LRMDA: variants seen among roughly 807,000 people sequenced by gnomAD.
LRMDA encodes the protein leucine-rich melanocyte differentiation-associated protein.
Under a neutral mutation model 29.8 loss-of-function variants are expected in LRMDA, and 18 were observed. The ratio of observed to expected loss-of-function variants is 0.60; its 90% CI spans 0.42 to 0.90. LRMDA has a LOEUF of 0.90. Ranked by LOEUF, LRMDA falls within the 40% of genes least tolerant of loss-of-function variation. The probability of loss-of-function intolerance (pLI) is 0.00; values close to 1 mark genes in which losing one functional copy is unlikely to be tolerated. For missense variants in LRMDA, 273 were observed against 273.9 expected (o/e 1.00, Z 0.02); for synonymous variants, 125 against 109.4 (o/e 1.14, Z -0.89).
At chr10:75,946,986 G>T (rs999925817) in intron 2 of LRMDA, among the ~76,000 whole-genome samples, 5 of 152,190 alleles carry the variant, frequency 3.3e-5, no homozygotes, top group Non-Finnish European at 7.3e-5. Flanking sequence ...GCCTGTAGCT[G>T]GTTAGGGGCA....
At chr10:75,972,942 TC>T (rs1564620244) in intron 2 of LRMDA, among the ~76,000 whole-genome samples, 1 of 152,146 alleles carries the variant, frequency 6.6e-6, no homozygotes, top group Admixed American at 6.5e-5. Flanking sequence ...TGTGTTGAGT[TC>T]CTCTACCCTG....
intron 2 of LRMDA, among the ~76,000 whole-genome samples, chr10:75,628,505 A>G (rs1841280446): frequency 6.6e-6 from 1 of 152,240 alleles, no homozygotes; most frequent in Admixed American, 6.5e-5. Context: ...GATTGCACTG[A>G]GGATCAAATG....
chr10:76,259,828 T>A (rs929184731), intron 5 of LRMDA, among the ~76,000 whole-genome samples: 9 of 152,176 alleles, frequency 5.9e-5, no homozygotes, highest in Admixed American at 5.9e-4. Flanking sequence ...TATCATATAA[T>A]ATCCTTCTTT....
chr10:75,564,987 G>T (rs146523275), intron 2 of LRMDA, among the ~76,000 whole-genome samples: 1 of 152,202 alleles, frequency 6.6e-6, no homozygotes, highest in African/African-American at 2.4e-5. Context: ...GGATCATGTG[G>T]TCTTTTTATT....
intron 6 of LRMDA, among the ~76,000 whole-genome samples, chr10:76,510,961 C>T (rs1185578256): frequency 6.6e-6 from 1 of 152,112 alleles, no homozygotes; most frequent in African/African-American, 2.4e-5. Flanking sequence ...GACCAGGTTG[C>T]AAAGTAAATA....
At chr10:76,308,106 A>G (rs1271977221) in intron 5 of LRMDA, among the ~76,000 whole-genome samples, 1 of 152,090 alleles carries the variant, frequency 6.6e-6, no homozygotes, top group Non-Finnish European at 1.5e-5. Flanking sequence ...ATAACAAACC[A>G]ACCCTACTTG....
intron 2 of LRMDA, among the ~76,000 whole-genome samples, chr10:75,698,164 T>G (rs113152773): frequency 0.018 from 2,759 of 152,312 alleles, 23 homozygotes; most frequent in Middle Eastern, 0.027. Flanking sequence ...CCACGGGGCT[T>G]CCTTCCTCCC....
At chr10:75,849,300 T>C (rs1443880170) in intron 2 of LRMDA, among the ~76,000 whole-genome samples, 1 of 152,174 alleles carries the variant, frequency 6.6e-6, no homozygotes, top group Non-Finnish European at 1.5e-5. Flanking sequence ...TGACCCTAAC[T>C]GATGCAGTTC....
At chr10:75,527,069 G>A (rs1307202435) in intron 2 of LRMDA, among the ~76,000 whole-genome samples, 2 of 151,954 alleles carry the variant, frequency 1.3e-5, no homozygotes, top group Non-Finnish European at 2.9e-5. Flanking sequence ...CCACTAATCT[G>A]CTTTCTGTCT....
chr10:76,023,178 C>A (rs1256482928), intron 2 of LRMDA, among the ~76,000 whole-genome samples: 1 of 151,954 alleles, frequency 6.6e-6, no homozygotes, highest in East Asian at 1.9e-4. Context: ...TCTTGGCAGG[C>A]GATCGGCTTG....
intron 6 of LRMDA, among the ~76,000 whole-genome samples, chr10:76,417,550 C>T (rs1842029829): frequency 6.6e-6 from 1 of 151,876 alleles, no homozygotes; most frequent in Non-Finnish European, 1.5e-5. Context: ...ACTTCTTCCT[C>T]CATAAAGGTA....
intron 6 of LRMDA, among the ~76,000 whole-genome samples, chr10:76,520,590 A>G (rs1490167330): frequency 2.6e-5 from 4 of 151,930 alleles, no homozygotes; most frequent in Non-Finnish European, 5.9e-5. Context: ...TAAGAAATAT[A>G]CCTGTTTGTT....
chr10:76,031,620 C>T (rs748520860), intron 2 of LRMDA, among the ~76,000 whole-genome samples: 1 of 152,130 alleles, frequency 6.6e-6, no homozygotes, highest in Non-Finnish European at 1.5e-5. Context: ...GAGATCCATA[C>T]AGAACAGGCA....
intron 2 of LRMDA, among the ~76,000 whole-genome samples, chr10:75,808,183 A>G (rs1445294780): frequency 6.6e-6 from 1 of 152,164 alleles, no homozygotes; most frequent in Non-Finnish European, 1.5e-5. Context: ...CCTTCTGGAG[A>G]AATACATATG....
intron 2 of LRMDA, among the ~76,000 whole-genome samples, chr10:75,994,522 C>T (rs556528298): frequency 3.3e-5 from 5 of 152,256 alleles, no homozygotes; most frequent in South Asian, 2.1e-4. Context: ...CCTGACTCTG[C>T]GAGAACATTC....
chr10:76,199,856 A>G (rs1851395679), intron 5 of LRMDA, among the ~76,000 whole-genome samples: 1 of 152,204 alleles, frequency 6.6e-6, no homozygotes, highest in African/African-American at 2.4e-5. Flanking sequence ...TGAATCTACA[A>G]CATGTGATGC....
intron 6 of LRMDA, among the ~76,000 whole-genome samples, chr10:76,403,876 C>G (rs78071222): frequency 6.6e-6 from 1 of 152,032 alleles, no homozygotes; most frequent in Non-Finnish European, 1.5e-5. Context: ...TAGTTTCCCC[C>G]CTGGCCTTCC....
intron 5 of LRMDA, among the ~76,000 whole-genome samples, chr10:76,113,815 CT>C (rs1208369265): frequency 6.6e-6 from 1 of 152,196 alleles, no homozygotes; most frequent in African/African-American, 2.4e-5. Flanking sequence ...CCATGGCAAC[CT>C]TTTCCTGGGG....
At chr10:76,275,044 G>T (rs1473145258) in intron 5 of LRMDA, among the ~76,000 whole-genome samples, 5 of 152,104 alleles carry the variant, frequency 3.3e-5, no homozygotes. Context: ...GCCCTAACTG[G>T]CTGGGCTTTC....
Sources: allele counts gnomAD v4.1 joint callset (sites outside exome capture counted in the v4.1 genomes callset), GRCh38; gene constraint gnomAD v4.1.1; transcripts MANE v1.5; gene names NCBI Gene and HGNC (gene_info 2026-07-23, HGNC 2026-07-21).